PCDHA9: variants seen among roughly 807,000 people sequenced by gnomAD.
PCDHA9 encodes the protein protocadherin alpha-9.
Under a neutral mutation model 62.0 loss-of-function variants are expected in PCDHA9, and 62 were observed. The ratio of observed to expected loss-of-function variants is 1.00; its 90% confidence interval spans 0.81 to 1.23. The LOEUF (loss-of-function observed/expected upper bound fraction) is 1.23. Ranked by LOEUF, PCDHA9 falls within the 50% of genes most tolerant of loss-of-function variation. The pLI, the probability that PCDHA9 is intolerant of heterozygous loss-of-function variation, is 0.00. For missense variants in PCDHA9, 1,205 were observed against 1,249.8 expected (o/e 0.96, Z 0.54); for synonymous variants, 557 against 567.6 (o/e 0.98, Z 0.27).
rs2150419290 is a variant in PCDHA9, at chr5:140,848,742, A to T, written c.247A>T (p.Ile83Phe). Residue 83 changes from isoleucine to phenylalanine, a missense_variant, in exon 1 of 4, where the codon ATT (isoleucine) becomes TTT (phenylalanine). Coordinates refer to ENST00000532602, the MANE Select transcript of PCDHA9 (RefSeq NM_031857.2). ...TCTGGAGGTAAATCTGCAGAATGGC[A>T]TTTTGTTTGTGAATTCTCGGATCGA... ...DLLEVNLQNG[I>F]LFVNSRIDRE... is the part of the protein sequence containing the mutation. 2 of 1,593,114 alleles carry T rather than the reference A, an allele frequency of 1.3e-6. No homozygotes were observed. Among genetic ancestry groups the T allele is most frequent in the South Asian group, 2.2e-5 (2 of 90,188 alleles).
chr5:140,946,611 A>AATATATAGATATATATATATAT (rs2093974557), intron 1 of PCDHA9, among the ~76,000 whole-genome samples: 1 of 86,814 alleles, frequency 1.2e-5, no homozygotes, highest in Non-Finnish European at 2.1e-5. Context: ...GAAAATGTGA[A>AATATATAGATATATATATATAT]ATATATATAT....
chr5:140,967,737 A>G, intron 1 of PCDHA9: 1 of 1,614,170 alleles, frequency 6.2e-7, no homozygotes, highest in Non-Finnish European at 8.5e-7. Flanking sequence ...GGGGGGCTGG[A>G]TTATGAGGAA....
At chr5:140,932,471 A>G (rs1056932090) in intron 1 of PCDHA9, among the ~76,000 whole-genome samples, 11 of 152,050 alleles carry the variant, frequency 7.2e-5, no homozygotes, top group African/African-American at 1.7e-4. Flanking sequence ...TATAGGAAAT[A>G]GGATATCTCC....
intron 1 of PCDHA9, chr5:140,883,357 T>C: frequency 6.2e-7 from 1 of 1,614,094 alleles, no homozygotes; most frequent in Non-Finnish European, 8.5e-7. Context: ...GAGAAGACAC[T>C]CAGCCTAGCG....
intron 3 of PCDHA9, among the ~76,000 whole-genome samples, chr5:140,995,400 C>T (rs2097681723): frequency 6.6e-6 from 1 of 152,062 alleles, no homozygotes; most frequent in Admixed American, 6.6e-5. Flanking sequence ...CGGGATGGCT[C>T]GAGATTTCAT....
chr5:140,982,967 T>C (rs1395576199), intron 3 of PCDHA9, among the ~76,000 whole-genome samples: 1 of 150,996 alleles, frequency 6.6e-6, no homozygotes, highest in Non-Finnish European at 1.5e-5. Flanking sequence ...CCACCCAAAG[T>C]AGTAAGGAAA....
At chr5:140,903,427 A>G (rs1030133179) in intron 1 of PCDHA9, among the ~76,000 whole-genome samples, 9 of 152,208 alleles carry the variant, frequency 5.9e-5, no homozygotes, top group African/African-American at 1.9e-4. Context: ...TCAGCACAAT[A>G]TGTATCAGTG....
chr5:140,984,882 A>G (rs1456658089), intron 3 of PCDHA9, among the ~76,000 whole-genome samples: 3 of 152,150 alleles, frequency 2.0e-5, no homozygotes, highest in African/African-American at 7.2e-5. Context: ...AGTTACCATG[A>G]GAACTAAAGG....
chr5:140,919,733 AG>A (rs1426663186), intron 1 of PCDHA9, among the ~76,000 whole-genome samples: 1 of 152,194 alleles, frequency 6.6e-6, no homozygotes, highest in Admixed American at 6.5e-5. Flanking sequence ...TGTTACTTCT[AG>A]ATAGCTTTAT....
At chr5:140,913,447 CG>C (rs2076342854) in intron 1 of PCDHA9, among the ~76,000 whole-genome samples, 1 of 152,026 alleles carries the variant, frequency 6.6e-6, no homozygotes, top group Non-Finnish European at 1.5e-5. Context: ...TTTTCAGCTC[CG>C]ATTTTATTTA....
At chr5:140,857,777 A>C in intron 1 of PCDHA9, 1 of 1,597,518 alleles carries the variant, frequency 6.3e-7, no homozygotes, top group South Asian at 1.1e-5. Flanking sequence ...CGGTGCAGTC[A>C]GTGAGCTGGT....
At chr5:140,889,331 T>A (rs2153427061) in intron 1 of PCDHA9, among the ~76,000 whole-genome samples, 1 of 152,216 alleles carries the variant, frequency 6.6e-6, no homozygotes, top group Middle Eastern at 3.4e-3. Flanking sequence ...ATCAGGATTT[T>A]GATTGGTGGG....
At chr5:140,898,233 C>T (rs2066607638) in intron 1 of PCDHA9, among the ~76,000 whole-genome samples, 1 of 152,126 alleles carries the variant, frequency 6.6e-6, no homozygotes, top group African/African-American at 2.4e-5. Flanking sequence ...GTTGCCATTG[C>T]TTTTGGTGTT....
chr5:140,908,999 T>C (rs1221174156), intron 1 of PCDHA9, among the ~76,000 whole-genome samples: 1 of 152,190 alleles, frequency 6.6e-6, no homozygotes, highest in Non-Finnish European at 1.5e-5. Context: ...GAAATTTTAC[T>C]GAGGTAGAAG....
At chr5:140,868,817 T>C in intron 1 of PCDHA9, 1 of 380,686 alleles carries the variant, frequency 2.6e-6, no homozygotes, top group South Asian at 6.7e-5. Context: ...TTGGAAATAT[T>C]TGGGGGAAGA....
intron 2 of PCDHA9, among the ~76,000 whole-genome samples, chr5:140,981,149 G>T (rs2096919822): frequency 6.6e-6 from 1 of 152,202 alleles, no homozygotes; most frequent in South Asian, 2.1e-4. Flanking sequence ...AGAAAACATT[G>T]AACTTATATG....
At chr5:140,990,537 A>G (rs2097398813) in intron 3 of PCDHA9, among the ~76,000 whole-genome samples, 1 of 152,192 alleles carries the variant, frequency 6.6e-6, no homozygotes, top group Non-Finnish European at 1.5e-5. Flanking sequence ...TGTGCATCAT[A>G]GATACTGTAT....
At chr5:140,881,441 CAGA>C (rs782795888) in intron 1 of PCDHA9, 70 of 829,276 alleles carry the variant, frequency 8.4e-5, no homozygotes, top group Non-Finnish European at 1.0e-4. Context: ...TTTATAAAAA[CAGA>C]ATCCAAAACC....
intron 1 of PCDHA9, among the ~76,000 whole-genome samples, chr5:140,973,960 T>C (rs2096609185): frequency 6.6e-6 from 1 of 152,248 alleles, no homozygotes; most frequent in African/African-American, 2.4e-5. Flanking sequence ...TTTACAGGTG[T>C]CTTTAAATGT....
Sources: gnomAD v4.1 joint callset for allele counts (sites outside exome capture counted in the v4.1 genomes callset) on GRCh38, gnomAD v4.1.1 for gene constraint, MANE v1.5 for transcripts, NCBI Gene and HGNC (gene_info 2026-07-23, HGNC 2026-07-21) for gene names.